Variants in CDH13 observed in about 807,000 individuals in gnomAD.
CDH13 encodes cadherin 13.
In CDH13, 24 loss-of-function variants were observed where a neutral mutation model predicts 63.8. The observed-to-expected ratio is 0.38, with a 90% CI of 0.27 to 0.53. The LOEUF is 0.53. Among genes scored for constraint, CDH13 ranks in the 20% least tolerant of loss-of-function variants. The pLI, the probability that CDH13 is intolerant of heterozygous loss-of-function variation, is 0.85. For synonymous variants in CDH13, 503 were observed against 355.3 expected (o/e 1.42, Z -4.67); for missense variants, 1,049 against 903.1 (o/e 1.16, Z -2.07).
At chr16:83,082,989 T>A (rs1280183983) in intron 3 of CDH13, among the ~76,000 whole-genome samples, 3 of 96 alleles carry the variant, frequency 0.031, no homozygotes, top group Non-Finnish European at 0.056. Flanking sequence ...TAGTAAGAAT[T>A]TTTTTTAATA....
rs897081227 is a variant in CDH13, at chr16:83,130,764, C to G, written c.483+5263C>G. On this transcript the variant is annotated intron_variant, in intron 4 of 13. Transcript: ENST00000567109. ...CTTTTAAATCATTTGTCTTGCATTT[C>G]AAGAGGGTGAATGGAGACAAAGTAC... Among the ~76,000 whole-genome samples the G allele has an allele frequency of 5.3e-5, 8 of 152,300 alleles. No homozygotes were observed. In the East Asian group the frequency reaches 9.7e-4, roughly 18 times the overall value.
chr16:83,733,670 A>G (rs1372149032), intron 10 of CDH13, among the ~76,000 whole-genome samples: 1 of 152,194 alleles, frequency 6.6e-6, no homozygotes, highest in East Asian at 1.9e-4. Flanking sequence ...GTGCCAGAGC[A>G]AAGGCCATGG....
chr16:83,650,948 A>AAT (rs962107385), intron 8 of CDH13, among the ~76,000 whole-genome samples: 3 of 150,938 alleles, frequency 2.0e-5, no homozygotes, highest in African/African-American at 4.9e-5. Flanking sequence ...TAAAAATTTA[A>AAT]ATATATATAT....
At chr16:83,502,672 T>C (rs555536573) in intron 7 of CDH13, among the ~76,000 whole-genome samples, 144 of 152,310 alleles carry the variant, frequency 9.5e-4, no homozygotes, top group Non-Finnish European at 1.5e-3. Flanking sequence ...TTTGGGGGCT[T>C]GAAAGAGATG....
At chr16:83,626,011 C>CTTTT (rs34252613) in intron 8 of CDH13, among the ~76,000 whole-genome samples, 2 of 137,430 alleles carry the variant, frequency 1.5e-5, no homozygotes, top group Admixed American at 7.3e-5. Context: ...AAGCTTGCTT[C>CTTTT]TTTTTTTTTT....
chr16:83,568,812 C>G (rs1598303354), intron 7 of CDH13, among the ~76,000 whole-genome samples: 1 of 152,152 alleles, frequency 6.6e-6, no homozygotes, highest in Non-Finnish European at 1.5e-5. Flanking sequence ...GATCATCTCC[C>G]AAAGCCACTC....
chr16:83,296,606 C>T (rs1411650357), intron 5 of CDH13, among the ~76,000 whole-genome samples: 1 of 152,090 alleles, frequency 6.6e-6, no homozygotes, highest in African/African-American at 2.4e-5. Flanking sequence ...CTATAAGTTT[C>T]AGTTAATTAG....
chr16:83,350,008 T>A (rs920634405), intron 6 of CDH13, among the ~76,000 whole-genome samples: 32 of 152,276 alleles, frequency 2.1e-4, no homozygotes, highest in African/African-American at 7.2e-4. Flanking sequence ...TTATCTCAGC[T>A]AAGGGGCAGG....
rs796191343 is a variant in CDH13, at chr16:82,786,615, C to G, written c.46-71747C>G. Among the ~76,000 whole-genome samples the G allele has an allele frequency of 2.8e-4, 43 of 151,502 alleles. 1 individual carries two copies. Among genetic ancestry groups the G allele is most frequent in the African/African-American group, 1.0e-3 (43 of 41,270 alleles). On this transcript the variant is annotated intron_variant, in intron 1 of 13. Coordinates refer to ENST00000567109, the MANE Select transcript of CDH13 (RefSeq NM_001257.5). ...TGGTGTGCTGCACCCGTTACCTCAT[C>G]ATTTACATTAGGTATATCTCCTAAT...
At position 83,614,324 on chromosome 16, in the gene CDH13, G is replaced by T. The variant is rs183593526; in HGVS notation, c.1101+11730G>T. Among the ~76,000 whole-genome samples, 42 of 152,224 alleles carry T rather than the reference G, an allele frequency of 2.8e-4. 1 individual carries two copies. Among genetic ancestry groups the T allele is most frequent in the African/African-American group, 9.9e-4 (41 of 41,522 alleles). On this transcript the variant is annotated intron_variant, in intron 8 of 13. Coordinates refer to ENST00000567109, the MANE Select transcript of CDH13 (RefSeq NM_001257.5). ...CTTCTCCTCGGATGCAGCTTTCCTG[G>T]GGTCCTAACTGAAAGTCTGGTATGT... is the stretch of plus-strand genomic sequence containing the variant.
chr16:82,673,077 A>T (rs569109759), intron 1 of CDH13, among the ~76,000 whole-genome samples: 4 of 134,372 alleles, frequency 3.0e-5, no homozygotes, highest in Admixed American at 8.6e-5. Context: ...CCTGGGCTCA[A>T]GCAATCTTTC....
Position 83,717,417 on chromosome 16 carries a change from G to T in CDH13, c.1539-30691G>T, listed in dbSNP as rs184195361. The stretch of plus-strand genomic sequence containing the variant: ...GAACTGAATCTGTCTGAACTGCCTG[G>T]TTCACCGCACGTGAAAGTCCCTGTC... On this transcript the variant is annotated intron_variant, in intron 10 of 13. Transcript: ENST00000567109. Among the ~76,000 whole-genome samples the T allele has an allele frequency of 3.4e-3, 514 of 152,288 alleles. 7 individuals are homozygous for T. The highest frequency in any genetic ancestry group is 0.012 in the African/African-American group (499 of 41,554).
chr16:83,033,078 C>T (rs755662884), intron 3 of CDH13, among the ~76,000 whole-genome samples: 2 of 151,972 alleles, frequency 1.3e-5, no homozygotes, highest in Non-Finnish European at 2.9e-5. Context: ...GGCATATGTA[C>T]CATATACTTA....
intron 1 of CDH13, among the ~76,000 whole-genome samples, chr16:82,659,059 G>A (rs1216568155): frequency 6.6e-6 from 1 of 152,190 alleles, no homozygotes; most frequent in East Asian, 1.9e-4. Flanking sequence ...AGGCCACCAG[G>A]GATGTGGGGC....
At chr16:82,742,497 T>A (rs1276095255) in intron 1 of CDH13, among the ~76,000 whole-genome samples, 3 of 152,206 alleles carry the variant, frequency 2.0e-5, no homozygotes, top group Non-Finnish European at 4.4e-5. Flanking sequence ...TGTGAGTTTC[T>A]GCTACTTTTG....
intron 3 of CDH13, among the ~76,000 whole-genome samples, chr16:83,086,576 G>C (rs1316985256): frequency 6.6e-6 from 1 of 152,178 alleles, no homozygotes; most frequent in Non-Finnish European, 1.5e-5. Context: ...GTCTTGTATA[G>C]CTTAACTTAT....
intron 4 of CDH13, among the ~76,000 whole-genome samples, chr16:83,179,481 T>TGAAAAAAAAAAAAAA (rs1555508652): frequency 1.0e-4 from 7 of 69,096 alleles, no homozygotes; most frequent in African/African-American, 4.9e-4. Flanking sequence ...CCGTCTCTAC[T>TGAAAAAAAAAAAAAA]AAAAAAAAAA....
chr16:82,963,232 T>C (rs1467884670), intron 2 of CDH13, among the ~76,000 whole-genome samples: 1 of 148,246 alleles, frequency 6.7e-6, no homozygotes, highest in Non-Finnish European at 1.5e-5. Context: ...AAAAAAAAAT[T>C]GCCAGGTGTG....
chr16:82,685,616 G>C (rs1394681591), intron 1 of CDH13, among the ~76,000 whole-genome samples: 1 of 152,176 alleles, frequency 6.6e-6, no homozygotes, highest in Non-Finnish European at 1.5e-5. Context: ...TTGCACATGT[G>C]TGGATGTGTG....
Sources: gnomAD v4.1 joint callset for allele counts (sites outside exome capture counted in the v4.1 genomes callset) on GRCh38, gnomAD v4.1.1 for gene constraint, MANE v1.5 for transcripts, NCBI Gene and HGNC (gene_info 2026-07-23, HGNC 2026-07-21) for gene names.